Variants in ADCY4 observed in about 807,000 individuals in gnomAD.
The protein encoded by ADCY4 is adenylate cyclase 4.
A neutral mutation model predicts 125.5 loss-of-function variants in ADCY4; 111 were observed. The observed-to-expected ratio is 0.88, with a 90% CI of 0.76 to 1.04. The LOEUF is 1.04. Ranked by LOEUF, ADCY4 falls within the 50% of genes least tolerant of loss-of-function variation. The pLI is 0.00. For missense variants in ADCY4, 1,256 were observed against 1,382.9 expected, an observed-to-expected ratio of 0.91 and a Z score of 1.46; for synonymous variants, 576 against 586.9, an observed-to-expected ratio of 0.98 and a Z score of 0.27.
At chr14:24,324,226 C>A (rs753920075) in intron 15 of ADCY4, 27 bp from the exon 16 acceptor site, 5 of 1,613,972 alleles carry the variant, frequency 3.1e-6, no homozygotes, top group Non-Finnish European at 4.2e-6. Flanking sequence ...GGCATCTTAG[C>A]CACGGGGCTG....
intron 7 of ADCY4, 72 bp downstream of exon 7, chr14:24,330,096 G>C (rs1210163312): frequency 6.3e-7 from 1 of 1,598,894 alleles, no homozygotes; most frequent in Non-Finnish European, 8.6e-7. Flanking sequence ...CTCACAAAGA[G>C]GACTTCTGTC....
Position 24,332,415 on chromosome 14 carries a change from A to C in ADCY4, c.519+107T>G, listed in dbSNP as rs570016279. ...AAGCACGGTTGGGTATCCTGCGCCCAGCGTTGCACCTTGACTTGGAGTCAC... is the reference window on the plus strand; with the variant it reads ...AAGCACGGTTGGGTATCCTGCGCCCCGCGTTGCACCTTGACTTGGAGTCAC... On this transcript the variant is annotated intron_variant, in intron 3 of 24. Coordinates refer to ENST00000418030, the MANE Select transcript of ADCY4 (RefSeq NM_001198568.2). 2.1e-4 allele frequency: 273 copies of C among 1,301,022 alleles called. 1 individual carries two copies. Among genetic ancestry groups the C allele is most frequent in the Admixed American group, 7.1e-4 (28 of 39,560 alleles). 80.6% of individuals were successfully genotyped at this position (1,301,022 alleles called of 1,614,324 possible). A position where few individuals can be genotyped will look rare whatever the true frequency, so the allele number is the denominator to read the frequency against.
chr14:24,322,734 C>T (rs1307060566), intron 18 of ADCY4, 26 bp from the exon 19 acceptor site: 2 of 1,609,896 alleles, frequency 1.2e-6, no homozygotes, highest in African/African-American at 1.3e-5. Flanking sequence ...ATCAGGGTGA[C>T]CCCTTGCTTT....
chr14:24,322,174 CT>C lies in ADCY4; in HGVS notation c.2477del (p.Gln826ArgfsTer12). 2 of 1,614,140 alleles carry C rather than the reference CT, an allele frequency of 1.2e-6. No individual in the cohort carries two copies. Among genetic ancestry groups the C allele is most frequent in the Non-Finnish European group, 1.7e-6 (2 of 1,180,008 alleles). ...LDFLWKKKLR[Q>X]EREETETMEN... The stretch of plus-strand genomic sequence containing the variant: ...CCATCGTCTCTGTCTCCTCCCTCTC[CT>C]GCCTCAGCTTCTTCTTCCACAGGAA... On this transcript the variant is annotated frameshift_variant, in exon 20 of 25. Coordinates refer to ENST00000418030, the MANE Select transcript of ADCY4 (RefSeq NM_001198568.2). LOFTEE classifies it high-confidence loss of function.
intron 10 of ADCY4, 119 bp from the exon 11 acceptor site, chr14:24,326,461 C>G (rs539659316): frequency 8.2e-7 from 1 of 1,219,760 alleles, no homozygotes; most frequent in South Asian, 1.3e-5. Context: ...TCACTGGGCT[C>G]TTTCTTTTGC....
chr14:24,319,888 C>T lies in ADCY4; in HGVS notation c.2587G>A (p.Asp863Asn). The change falls in exon 21 of 25, where the codon GAT (aspartate) becomes AAT (asparagine). Residue 863 changes from aspartate (D) to asparagine (N), a missense_variant and splice_region_variant. Coordinates refer to ENST00000418030, the MANE Select transcript of ADCY4 (RefSeq NM_001198568.2). This position sits in a 1 kb window ranked among gnomAD's most constrained non-coding sequence, Gnocchi z 4.5. The stretch of plus-strand genomic sequence containing the variant: ...CATTCATAGGACTGGTGGTAGAGAT[C>T]CTGGGGGAACAGGAGACTGGAGTGA... ...QFIGQNRRNE[D>N]LYHQSYECVC... 6.2e-7 allele frequency: 1 copy of T among 1,612,982 alleles called. No individual in the cohort carries two copies. Among genetic ancestry groups the T allele is most frequent in the Non-Finnish European group, 8.5e-7 (1 of 1,179,912 alleles).
rs776476936 is a variant in ADCY4 at position 24,325,365 on chromosome 14, G to A, written c.1823+12C>T. The stretch of plus-strand genomic sequence containing the variant: ...TGACAGCCAGGGCCTCCTTTGCCTG[G>A]GGCACTCTCACCTGTTTGTCACTAG... On this transcript the variant is annotated intron_variant, in intron 14 of 24. Coordinates refer to ENST00000418030, the MANE Select transcript of ADCY4 (RefSeq NM_001198568.2). 2.5e-6 allele frequency: 4 copies of A among 1,610,758 alleles called. No homozygotes were observed.
Position 24,330,366 on chromosome 14 carries a change from A to C in ADCY4, c.931-71T>G, listed in dbSNP as rs751342989. ...AGAAGGGTAGGAGGGAGTTGGGAAA[A>C]GTGGGCAGCGAGCGGGGTATTCCTG... is the stretch of plus-strand genomic sequence containing the variant. On this transcript the variant is annotated intron_variant, in intron 6 of 24. Coordinates refer to ENST00000418030, the MANE Select transcript of ADCY4 (RefSeq NM_001198568.2). The C allele has an allele frequency of 1.1e-5, 17 of 1,601,584 alleles. No homozygotes were observed. The East Asian group carries it at 3.8e-4, about 36-fold the overall frequency.
chr14:24,330,376 G>A (rs552118981), intron 6 of ADCY4, 81 bp from the exon 7 acceptor site: 42 of 1,591,282 alleles, frequency 2.6e-5, no homozygotes, highest in Admixed American at 6.7e-5. Flanking sequence ...AGTGGGCAGC[G>A]AGCGGGGTAT....
In ADCY4 at chr14:24,320,219, A is replaced by T. The variant is rs548177803; in HGVS notation, c.2587-331T>A. On this transcript the variant is annotated intron_variant, in intron 20 of 24. Coordinates refer to ENST00000418030, the MANE Select transcript of ADCY4 (RefSeq NM_001198568.2). ...TGCTGAAAGGTGTTTAAGTCAATTA[A>T]GCCGGCTACAAAACCAAGGGTAAAA... Among the ~76,000 whole-genome samples the T allele has an allele frequency of 3.3e-5, 5 of 152,348 alleles. No individual in the cohort carries two copies. The South Asian group carries it at 1.0e-3, about 32-fold the overall frequency.
At chr14:24,324,280 C>T (rs1162088782) in intron 15 of ADCY4, 27 bp downstream of exon 15, 1 of 1,613,954 alleles carries the variant, frequency 6.2e-7, no homozygotes, top group Admixed American at 1.7e-5. Flanking sequence ...CTCCGGCATA[C>T]CACTTCCACC....
intron 10 of ADCY4, among the ~76,000 whole-genome samples, chr14:24,327,601 TC>T (rs1370205917): frequency 6.6e-6 from 1 of 152,064 alleles, no homozygotes; most frequent in Non-Finnish European, 1.5e-5. Context: ...CCAGTGTCCT[TC>T]CCCCACTCCC....
At chr14:24,323,222 A>G in intron 17 of ADCY4, 122 bp downstream of exon 17, 1 of 1,366,852 alleles carries the variant, frequency 7.3e-7, no homozygotes, top group Non-Finnish European at 1.0e-6. Flanking sequence ...ACTGATACAC[A>G]CTGGGTGTGA....
intron 9 of ADCY4, 52 bp from the exon 10 acceptor site, chr14:24,329,286 C>T (rs1464487469): frequency 6.3e-7 from 1 of 1,595,602 alleles, no homozygotes; most frequent in Non-Finnish European, 8.6e-7. Flanking sequence ...CCTCCTTCTC[C>T]CTCCACCCCC....
intron 15 of ADCY4, 27 bp from the exon 16 acceptor site, chr14:24,324,226 C>T (rs753920075): frequency 1.9e-6 from 3 of 1,614,090 alleles, no homozygotes; most frequent in Admixed American, 1.7e-5. Context: ...GGCATCTTAG[C>T]CACGGGGCTG....
chr14:24,334,218 A>G (rs1404614315), intron 1 of ADCY4, among the ~76,000 whole-genome samples: 1 of 152,122 alleles, frequency 6.6e-6, no homozygotes, highest in Admixed American at 6.5e-5. Flanking sequence ...AAATCCGGTG[A>G]TGGATTTATT....
At position 24,319,861 on chromosome 14, in the gene ADCY4, C is replaced by A; in HGVS notation, c.2614G>T (p.Val872Phe). The change falls in exon 21 of 25, where the codon GTT becomes TTT. Residue 872 changes from valine (V) to phenylalanine (F), a missense_variant. By Grantham distance (50) the Val-to-Phe change is conservative. Transcript: ENST00000418030. This position sits in a 1 kb window ranked among gnomAD's most constrained non-coding sequence, Gnocchi z 4.5. ...EDLYHQSYEC[V>F]CVLFASVPDF... ...GGGACTGAGGCGAAGAGGACACAAACGCATTCATAGGACTGGTGGTAGAGA... is the reference window on the plus strand; with the variant it reads ...GGGACTGAGGCGAAGAGGACACAAAAGCATTCATAGGACTGGTGGTAGAGA... 6.2e-7 allele frequency: 1 copy of A among 1,613,852 alleles called. No individual in the cohort carries two copies. The highest frequency in any genetic ancestry group is 8.5e-7 in the Non-Finnish European group (1 of 1,180,012).
chr14:24,331,023 C>T lies in ADCY4; in HGVS notation c.925G>A (p.Ala309Thr). Residue 309 changes from alanine to threonine, a missense_variant, in exon 6 of 25, where the codon GCC becomes ACC. Transcript: ENST00000418030. The stretch of plus-strand genomic sequence containing the variant: ...GGAGGGAAGTCTTCTCTGACCTTGG[C>T]AATCTGGTCGAACTTGCCAAAGAGC... The part of the protein sequence containing the change: ...NELFGKFDQI[A>T]KEHECMRIKI... 1 of 1,602,436 alleles carries T rather than the reference C, an allele frequency of 6.2e-7. No individual in the cohort carries two copies. The highest frequency in any genetic ancestry group is 8.5e-7 in the Non-Finnish European group (1 of 1,171,640).
At position 24,330,428 on chromosome 14, in the gene ADCY4, C is replaced by T. The variant is rs80079716; in HGVS notation, c.931-133G>A. On this transcript the variant is annotated intron_variant, in intron 6 of 24. Transcript: ENST00000418030. The stretch of plus-strand genomic sequence containing the variant: ...AGGTGGGGTAGTGTCTAGATCAGAT[C>T]TAGGGACTCCTTTCACTTGATATGG... The T allele has an allele frequency of 2.8e-3, 3,417 of 1,238,740 alleles. 107 individuals are homozygous for T. The East Asian group carries it at 0.069, about 25-fold the overall frequency. 76.7% of individuals were successfully genotyped at this position (1,238,740 alleles called of 1,614,324 possible). A position where few individuals can be genotyped will look rare whatever the true frequency, so the allele number is the denominator to read the frequency against.
Sources: allele counts gnomAD v4.1 joint callset (sites outside exome capture counted in the v4.1 genomes callset), GRCh38; gene constraint gnomAD v4.1.1; non-coding constraint Gnocchi (gnomAD v3.1); transcripts MANE v1.5; gene names NCBI Gene and HGNC (gene_info 2026-07-23, HGNC 2026-07-21).